DMXL1: variants seen among roughly 807,000 people sequenced by gnomAD.
DMXL1 encodes the protein Dmx like 1.
DMXL1 carries 99 observed loss-of-function variants against 319.2 expected under a neutral mutation model. The ratio of observed to expected loss-of-function variants is 0.31; its 90% CI spans 0.26 to 0.37. The LOEUF (loss-of-function observed/expected upper bound fraction) is 0.37. Among genes scored for constraint, DMXL1 ranks in the 10% least tolerant of loss-of-function variants. The pLI is 1.00. For missense variants in DMXL1, 3,745 were observed against 3,595.6 expected (o/e 1.04, Z -1.06); for synonymous variants, 1,385 against 1,235.2 (o/e 1.12, Z -2.54).
intron 2 of DMXL1, among the ~76,000 whole-genome samples, 154 bp downstream of exon 2, chr5:119,098,258 A>G (rs1445661273): frequency 2.0e-5 from 3 of 152,196 alleles, no homozygotes; most frequent in African/African-American, 7.2e-5. Context: ...GATGCATTCT[A>G]TAGAGTGCCA....
rs571067895 is a variant in DMXL1 at position 119,233,483 on chromosome 5, G to A, written c.8466+16G>A. 4.4e-6 allele frequency: 7 copies of A among 1,600,736 alleles called. No homozygotes were observed. In the African/African-American group the frequency reaches 5.4e-5, roughly 12 times the overall value. The stretch of plus-strand genomic sequence containing the variant: ...GGGAAATAAGGTATTATATAAAAAT[G>A]TAAATGGTAAAAAATTTATTGTGTT... On this transcript the variant is annotated intron_variant, in intron 39 of 43. Coordinates refer to ENST00000539542, the MANE Select transcript of DMXL1 (RefSeq NM_001290321.3).
chr5:119,102,113 A>T, intron 3 of DMXL1, 107 bp downstream of exon 3: 2 of 582,898 alleles, frequency 3.4e-6, no homozygotes, highest in Non-Finnish European at 5.9e-6. Flanking sequence ...TATATACTGT[A>T]ATTGAACCTA....
intron 1 of DMXL1, chr5:119,081,503 C>T: frequency 1.1e-6 from 1 of 905,386 alleles, no homozygotes; most frequent in Non-Finnish European, 1.3e-6. Context: ...TACTTTGACT[C>T]AAACATCTTC....
chr5:119,148,782 T>C lies in DMXL1; in HGVS notation c.2955T>C (p.Pro985=). Residue 985 remains proline, a synonymous_variant, in exon 18 of 44, where the codon CCT becomes CCC. Transcript: ENST00000539542. The part of the protein sequence containing the change: ...SSSIYPACSA[P]YLLATSCSDE... ...CTATATATCCTGCATGCAGTGCTCC[T>C]TATTTATTGGCAACTTCATGTTCAG... 1 of 1,613,598 alleles carries C rather than the reference T, an allele frequency of 6.2e-7. No homozygotes were observed. The highest frequency in any genetic ancestry group is 8.5e-7 in the Non-Finnish European group (1 of 1,179,660).
At chr5:119,098,286 T>C (rs1047822411) in intron 2 of DMXL1, among the ~76,000 whole-genome samples, 182 bp downstream of exon 2, 2 of 152,180 alleles carry the variant, frequency 1.3e-5, no homozygotes, top group African/African-American at 4.8e-5. Context: ...TCTTCTTATA[T>C]AATTTTAAAT....
chr5:119,147,595 A>G (rs538761862), intron 17 of DMXL1, 125 bp downstream of exon 17: 16 of 640,894 alleles, frequency 2.5e-5, no homozygotes, highest in Non-Finnish European at 4.3e-5. Flanking sequence ...AATATATTCA[A>G]GTACCCTAAA....
At chr5:119,143,566 A>G (rs1043289295) in intron 13 of DMXL1, among the ~76,000 whole-genome samples, 1 of 152,048 alleles carries the variant, frequency 6.6e-6, no homozygotes, top group African/African-American at 2.4e-5. Context: ...GGAGATTGAA[A>G]TCAATTTTTC....
intron 25 of DMXL1, among the ~76,000 whole-genome samples, chr5:119,174,216 C>T (rs1472556343): frequency 6.6e-6 from 1 of 152,152 alleles, no homozygotes; most frequent in African/African-American, 2.4e-5. Flanking sequence ...TGTCTGTGCA[C>T]CCCATGGCCC....
intron 19 of DMXL1, among the ~76,000 whole-genome samples, chr5:119,157,782 AGTTT>A (rs1283354845): frequency 6.6e-6 from 1 of 152,022 alleles, no homozygotes; most frequent in Non-Finnish European, 1.5e-5. Flanking sequence ...TTTCATCTCA[AGTTT>A]ACTTTGAGTA....
At chr5:119,198,840 T>G (rs1780141546) in intron 32 of DMXL1, among the ~76,000 whole-genome samples, 1 of 152,208 alleles carries the variant, frequency 6.6e-6, no homozygotes, top group African/African-American at 2.4e-5. Context: ...GGATTTGTTC[T>G]ACAAATTATT....
chr5:119,131,850 T>G (rs200021180), intron 10 of DMXL1, among the ~76,000 whole-genome samples: 1 of 152,382 alleles, frequency 6.6e-6, no homozygotes, highest in East Asian at 1.9e-4. Context: ...AAAACTGTTA[T>G]GTTTTTCATC....
At chr5:119,075,231 CTTTTTTTTTCT>C (rs1014782189) in intron 1 of DMXL1, among the ~76,000 whole-genome samples, 7 of 127,706 alleles carry the variant, frequency 5.5e-5, no homozygotes, top group Non-Finnish European at 9.4e-5. Flanking sequence ...CTGTTAGTTT[CTTTTTTTTTCT>C]TTTTTTTTTT....
Position 119,071,380 on chromosome 5 carries a change from G to T in DMXL1, c.-190G>T, listed in dbSNP as rs932956503. ...CCTCTCGCCGACCCGCCCCCTCCGG[G>T]CCTCGCCCTCCGGGGCTCGGGATGA... On this transcript the variant is annotated 5_prime_UTR_variant, in exon 1 of 44. Transcript: ENST00000539542. 5 of 574,442 alleles carry T rather than the reference G, an allele frequency of 8.7e-6. No homozygotes were observed. The highest frequency in any genetic ancestry group is 6.9e-5 in the Admixed American group (2 of 29,168). 35.6% of individuals were successfully genotyped at this position (574,442 alleles called of 1,614,324 possible).
chr5:119,151,698 G>T lies in DMXL1; in HGVS notation c.4595-231G>T, dbSNP rs188118356. On this transcript the variant is annotated intron_variant, in intron 18 of 43. Coordinates refer to ENST00000539542, the MANE Select transcript of DMXL1 (RefSeq NM_001290321.3). ...TTAAATAAGATTTCAGTCAGAAGAG[G>T]TCAGTTTATAAAGAGTATCAGATTC... Among the ~76,000 whole-genome samples the T allele has an allele frequency of 2.6e-3, 389 of 152,150 alleles. 1 individual carries two copies. Among genetic ancestry groups the T allele is most frequent in the Non-Finnish European group, 3.1e-3 (214 of 67,992 alleles).
At chr5:119,130,989 T>C (rs1764744691) in intron 10 of DMXL1, among the ~76,000 whole-genome samples, 1 of 151,940 alleles carries the variant, frequency 6.6e-6, no homozygotes. Flanking sequence ...ACATTGGATG[T>C]TTTCATTATA....
intron 15 of DMXL1, 56 bp downstream of exon 15, chr5:119,144,694 TAATA>T: frequency 9.3e-7 from 1 of 1,080,430 alleles, no homozygotes; most frequent in East Asian, 2.8e-5. Context: ...GTTAGGCAGT[TAATA>T]AAGATGAATT....
At chr5:119,114,844 T>C (rs1350403457) in intron 6 of DMXL1, among the ~76,000 whole-genome samples, 1 of 152,080 alleles carries the variant, frequency 6.6e-6, no homozygotes, top group Non-Finnish European at 1.5e-5. Context: ...AATTTTTGTA[T>C]TTTTTAATAG....
intron 21 of DMXL1, among the ~76,000 whole-genome samples, chr5:119,166,225 C>T (rs546102106): frequency 1.7e-4 from 26 of 152,236 alleles, no homozygotes; most frequent in African/African-American, 6.0e-4. Context: ...TGATGATTTA[C>T]GGTTGTTTTG....
At chr5:119,155,660 C>T (rs1354468690) in intron 19 of DMXL1, among the ~76,000 whole-genome samples, 3 of 151,578 alleles carry the variant, frequency 2.0e-5, no homozygotes, top group Non-Finnish European at 2.9e-5. Flanking sequence ...GCAACATAGA[C>T]GCCATCTCTG....
Sources: gnomAD v4.1 joint callset for allele counts (sites outside exome capture counted in the v4.1 genomes callset) on GRCh38, gnomAD v4.1.1 for gene constraint, MANE v1.5 for transcripts, NCBI Gene and HGNC (gene_info 2026-07-23, HGNC 2026-07-21) for gene names.